The following NELL1 variants were observed in gnomAD, a reference collection of about 807,000 sequenced individuals.
NELL1 encodes protein kinase C-binding protein NELL1.
In NELL1, 76 loss-of-function variants were observed where a neutral mutation model predicts 107.4. That is an observed-to-expected ratio of 0.71 (90% CI 0.59 to 0.86). NELL1 has a LOEUF of 0.86. Ranked by LOEUF, NELL1 falls within the 40% of genes least tolerant of loss-of-function variation. The pLI is 0.00. For synonymous variants in NELL1, 353 were observed against 341.2 expected (o/e 1.03, Z -0.38); for missense variants, 1,024 against 1,005.5 (o/e 1.02, Z -0.25).
intron 2 of NELL1, among the ~76,000 whole-genome samples, chr11:20,734,937 G>A (rs968537127): frequency 6.6e-6 from 1 of 152,118 alleles, no homozygotes; most frequent in Non-Finnish European, 1.5e-5. Context: ...TAGAAACTTT[G>A]GGGGTGGGGT....
rs532106295 is a variant in NELL1 at position 21,251,024 on chromosome 11, G to C, written c.1549+21570G>C. Reference sequence around the variant, plus strand: ...TCCTTTTGAGTCCTCGGTTCTGAATGCTTAAATGAGGAATCTGAGGTCTAG... The same window carrying C: ...TCCTTTTGAGTCCTCGGTTCTGAATCCTTAAATGAGGAATCTGAGGTCTAG... On this transcript the variant is annotated intron_variant, in intron 14 of 19. Transcript: ENST00000357134. Among the ~76,000 whole-genome samples, 54 of 152,184 alleles carry C rather than the reference G, an allele frequency of 3.5e-4. 1 individual carries two copies. The highest frequency in any genetic ancestry group is 1.3e-3 in the African/African-American group (52 of 41,526).
intron 12 of NELL1, among the ~76,000 whole-genome samples, chr11:21,077,885 G>T (rs1381095353): frequency 1.3e-5 from 2 of 152,020 alleles, no homozygotes; most frequent in Non-Finnish European, 2.9e-5. Flanking sequence ...GAAAAGATGA[G>T]TCTGAAGGTA....
chr11:21,483,361 A>T (rs1350090655), intron 15 of NELL1, among the ~76,000 whole-genome samples: 2 of 152,160 alleles, frequency 1.3e-5, no homozygotes, highest in African/African-American at 4.8e-5. Flanking sequence ...CCCAAAAAGG[A>T]TACATTTTCT....
At chr11:21,059,640 C>T (rs74900374) in intron 12 of NELL1, among the ~76,000 whole-genome samples, 38 of 152,214 alleles carry the variant, frequency 2.5e-4, no homozygotes, top group African/African-American at 6.5e-4. Flanking sequence ...AAGTGATTAA[C>T]GTAATATGAC....
intron 14 of NELL1, among the ~76,000 whole-genome samples, chr11:21,342,749 T>C (rs1850602758): frequency 6.6e-6 from 1 of 151,412 alleles, no homozygotes; most frequent in South Asian, 2.1e-4. Flanking sequence ...GAGAATAGTA[T>C]GCATGTGAGG....
intron 9 of NELL1, among the ~76,000 whole-genome samples, chr11:20,933,787 T>A (rs1444306840): frequency 2.6e-5 from 4 of 152,204 alleles, no homozygotes; most frequent in Non-Finnish European, 5.9e-5. Flanking sequence ...AATTGTCCAA[T>A]CATTGCACCA....
chr11:20,706,210 A>C, intron 2 of NELL1, among the ~76,000 whole-genome samples: 1 of 152,194 alleles, frequency 6.6e-6, no homozygotes, highest in East Asian at 1.9e-4. Context: ...ATAAAGACAC[A>C]TGCACACATA....
intron 2 of NELL1, among the ~76,000 whole-genome samples, chr11:20,712,465 T>G (rs182318936): frequency 6.6e-6 from 1 of 152,358 alleles, no homozygotes; most frequent in African/African-American, 2.4e-5. Flanking sequence ...ATCAACCTTC[T>G]GAATTTATCT....
Position 21,169,826 on chromosome 11 carries a change from G to A in NELL1, c.1426+56112G>A, listed in dbSNP as rs141837851. 3.8e-3 allele frequency: 5,339 copies of A among 1,409,778 alleles called. 16 individuals are homozygous for A. The highest frequency in any genetic ancestry group is 4.9e-3 in the Non-Finnish European group (4,998 of 1,010,628). 87.3% of individuals were successfully genotyped at this position (1,409,778 alleles called of 1,614,324 possible). Reference sequence around the variant, plus strand: ...GGGACAGAATCAGCCTGCTGAGCCCGATGCAAGTGCTTGCACCCCAGAGTC... The same window carrying A: ...GGGACAGAATCAGCCTGCTGAGCCCAATGCAAGTGCTTGCACCCCAGAGTC... On this transcript the variant is annotated intron_variant, in intron 13 of 19. Coordinates refer to ENST00000357134, the MANE Select transcript of NELL1 (RefSeq NM_006157.5).
At chr11:20,813,476 A>G (rs931837243) in intron 3 of NELL1, among the ~76,000 whole-genome samples, 1 of 152,220 alleles carries the variant, frequency 6.6e-6, no homozygotes, top group Non-Finnish European at 1.5e-5. Flanking sequence ...TGATAAAAAA[A>G]AACCATTGCT....
chr11:21,518,435 C>G (rs917813120), intron 15 of NELL1, among the ~76,000 whole-genome samples: 1 of 152,078 alleles, frequency 6.6e-6, no homozygotes, highest in African/African-American at 2.4e-5. Flanking sequence ...ATAAATACCT[C>G]TAATATGAAT....
intron 15 of NELL1, among the ~76,000 whole-genome samples, chr11:21,389,389 C>T (rs1851816675): frequency 6.6e-6 from 1 of 151,804 alleles, no homozygotes; most frequent in African/African-American, 2.4e-5. Context: ...CTGTCTTTCT[C>T]TCCTCAATTC....
chr11:21,193,216 G>A lies in NELL1; in HGVS notation c.1427-36116G>A, dbSNP rs373476986. 7.9e-5 allele frequency among the ~76,000 whole-genome samples: 12 copies of A among 151,962 alleles called. No individual in the cohort carries two copies. In the East Asian group the frequency reaches 1.9e-3, roughly 24 times the overall value. On this transcript the variant is annotated intron_variant, in intron 13 of 19. Coordinates refer to ENST00000357134, the MANE Select transcript of NELL1 (RefSeq NM_006157.5). ...TTTTAATGTTGCAAATAGTTGATCT[G>A]TTTTGCCCAAGAATGCGGTTCCTGT...
intron 11 of NELL1, among the ~76,000 whole-genome samples, chr11:20,953,769 C>T (rs888489649): frequency 2.0e-5 from 3 of 152,150 alleles, no homozygotes; most frequent in Non-Finnish European, 2.9e-5. Flanking sequence ...CTCATTCATC[C>T]TTCAAATCTC....
intron 14 of NELL1, among the ~76,000 whole-genome samples, chr11:21,239,314 T>C (rs17233117): frequency 0.024 from 3,683 of 152,188 alleles, 64 homozygotes; most frequent in Non-Finnish European, 0.037. Flanking sequence ...TTGTATACAT[T>C]ACTATATTTC....
chr11:21,032,591 T>C (rs1852989429), intron 12 of NELL1, among the ~76,000 whole-genome samples: 1 of 152,126 alleles, frequency 6.6e-6, no homozygotes, highest in Admixed American at 6.5e-5. Context: ...GGTTTCACCA[T>C]GTTGGCCAGG....
intron 2 of NELL1, among the ~76,000 whole-genome samples, chr11:20,766,082 G>A (rs1317839603): frequency 6.6e-6 from 1 of 152,180 alleles, no homozygotes; most frequent in African/African-American, 2.4e-5. Flanking sequence ...ACCAGGAGCT[G>A]TAAGCACAGG....
chr11:21,409,445 C>T (rs772231929), intron 15 of NELL1, among the ~76,000 whole-genome samples: 16 of 151,434 alleles, frequency 1.1e-4, no homozygotes, highest in East Asian at 7.9e-4. Context: ...GTTGGGGGAG[C>T]GGGGAGGGAT....
In NELL1 at chr11:21,573,389, T is replaced by A. The variant is rs373272950; in HGVS notation, c.2362T>A (p.Cys788Ser). Residue 788 changes from cysteine to serine, a missense_variant, in exon 19 of 20, where the codon TGC becomes AGC. Transcript: ENST00000357134. ...AGTGTGGACGATGGCTGGATCTCCC[T>A]GCACAACCTGTAAATGCAAGGTAAT... Reference protein sequence around the residue: ...GSVWTMAGSPCTTCKCKNGRV... With the variant: ...GSVWTMAGSPSTTCKCKNGRV... The A allele has an allele frequency of 2.9e-5, 46 of 1,611,788 alleles. No individual in the cohort carries two copies. The highest frequency in any genetic ancestry group is 3.8e-5 in the Non-Finnish European group (45 of 1,178,754).
Sources: gnomAD v4.1 joint callset for allele counts (sites outside exome capture counted in the v4.1 genomes callset) on GRCh38, gnomAD v4.1.1 for gene constraint, MANE v1.5 for transcripts, NCBI Gene and HGNC (gene_info 2026-07-23, HGNC 2026-07-21) for gene names.